Variants in ABHD10 observed in about 807,000 individuals in gnomAD.
ABHD10 encodes the protein abhydrolase domain containing 10, depalmitoylase.
ABHD10 carries 22 observed loss-of-function variants against 33.1 expected under a neutral mutation model. The ratio of observed to expected loss-of-function variants is 0.66; its 90% CI spans 0.47 to 0.95. The LOEUF is 0.95. ABHD10 is among the 40% of genes least tolerant of loss of function. The pLI is 0.00. For synonymous variants in ABHD10, 146 were observed against 133.9 expected (o/e 1.09, Z -0.62); for missense variants, 352 against 379.9 (o/e 0.93, Z 0.61).
intron 2 of ABHD10, among the ~76,000 whole-genome samples, chr3:111,985,958 T>C (rs985632258): frequency 1.3e-5 from 2 of 152,176 alleles, no homozygotes; most frequent in African/African-American, 4.8e-5. Flanking sequence ...AGGATCACTC[T>C]ACTATATAGG....
Position 111,981,905 on chromosome 3 carries a change from G to C in ABHD10, c.264G>C (p.Met88Ile), listed in dbSNP as rs772076973. 17 of 1,607,042 alleles carry C rather than the reference G, an allele frequency of 1.1e-5. No homozygotes were observed. In the East Asian group the frequency reaches 3.8e-4, roughly 36 times the overall value. The change falls in exon 2 of 5, where the codon ATG (methionine) becomes ATC (isoleucine). Residue 88 changes from methionine (M) to isoleucine (I), a missense_variant. Met to Ile is a conservative substitution (Grantham distance 10). Coordinates refer to ENST00000273359, the MANE Select transcript of ABHD10 (RefSeq NM_018394.4). The part of the protein sequence containing the change: ...IIFIPGYLSY[M>I]NGTKALAIEE... Reference sequence around the variant, plus strand: ...TCATCCCTGGCTATCTTTCTTATATGAATGGTACAAAAGCGTTGGCGATTG... The same window carrying C: ...TCATCCCTGGCTATCTTTCTTATATCAATGGTACAAAAGCGTTGGCGATTG...
At chr3:111,991,319 A>C in intron 4 of ABHD10, 58 bp from the exon 5 acceptor site, 1 of 1,416,038 alleles carries the variant, frequency 7.1e-7, no homozygotes. Context: ...AAACTATTGC[A>C]TGTGTTAATG....
intron 4 of ABHD10, among the ~76,000 whole-genome samples, chr3:111,987,890 TAAAGA>T (rs1466567492): frequency 6.6e-6 from 1 of 151,966 alleles, no homozygotes; most frequent in Non-Finnish European, 1.5e-5. Flanking sequence ...ACACAGAAAT[TAAAGA>T]AAACAGAGCA....
rs2072673295 is a variant in ABHD10, at chr3:111,986,901, ATTTTAT to A, written c.439-7_439-2del. 1 of 1,568,882 alleles carries A rather than the reference ATTTTAT, an allele frequency of 6.4e-7. No individual in the cohort carries two copies. The highest frequency in any genetic ancestry group is 8.6e-7 in the Non-Finnish European group (1 of 1,163,872). Reference sequence around the variant, plus strand: ...TCTTAAAGACCTAATGTTTTATTTTATTTTATTTTTAGATTCTTGTTGGATCTAGCC... The same window carrying A: ...TCTTAAAGACCTAATGTTTTATTTTATTTTAGATTCTTGTTGGATCTAGCC... On this transcript the variant is annotated splice_polypyrimidine_tract_variant and splice_region_variant and intron_variant, in intron 3 of 4. Transcript: ENST00000273359.
At chr3:111,988,564 C>A (rs532133280) in intron 4 of ABHD10, among the ~76,000 whole-genome samples, 1 of 151,860 alleles carries the variant, frequency 6.6e-6, no homozygotes, top group Non-Finnish European at 1.5e-5. Context: ...TGGTAAATGA[C>A]AAAACCTGTG....
At chr3:111,980,916 A>T (rs1470218398) in intron 1 of ABHD10, among the ~76,000 whole-genome samples, 2 of 152,126 alleles carry the variant, frequency 1.3e-5, no homozygotes, top group Non-Finnish European at 2.9e-5. Context: ...GGGCGGGTGG[A>T]TGGGAGTCAG....
chr3:111,992,238 T>C lies in ABHD10; in HGVS notation c.*517T>C. 1 of 149,000 alleles carries C rather than the reference T, an allele frequency of 6.7e-6. No individual in the cohort carries two copies. Among genetic ancestry groups the C allele is most frequent in the South Asian group, 2.1e-4 (1 of 4,800 alleles). 9.2% of individuals were successfully genotyped at this position (149,000 alleles called of 1,614,324 possible). ...TATAATGTATAAAGTATATATAATA[T>C]AATATATATGTTATATAAACTGCAC... On this transcript the variant is annotated 3_prime_UTR_variant, in exon 5 of 5. Coordinates refer to ENST00000273359, the MANE Select transcript of ABHD10 (RefSeq NM_018394.4).
intron 4 of ABHD10, among the ~76,000 whole-genome samples, 169 bp downstream of exon 4, chr3:111,987,220 T>G (rs2072679540): frequency 6.6e-6 from 1 of 152,258 alleles, no homozygotes; most frequent in Non-Finnish European, 1.5e-5. Context: ...TTTTCTATCT[T>G]TAACTATTTG....
chr3:111,988,890 A>G (rs1576068092), intron 4 of ABHD10, among the ~76,000 whole-genome samples: 2 of 152,304 alleles, frequency 1.3e-5, no homozygotes, highest in African/African-American at 4.8e-5. Flanking sequence ...GTGCCTGGCC[A>G]TGTACATTTC....
At chr3:111,985,751 T>C (rs1331844237) in intron 2 of ABHD10, among the ~76,000 whole-genome samples, 6 of 151,228 alleles carry the variant, frequency 4.0e-5, no homozygotes. Context: ...GAGTATGCCA[T>C]GTGGAGAGAA....
chr3:111,985,103 G>T (rs1242073180), intron 2 of ABHD10, among the ~76,000 whole-genome samples: 1 of 152,198 alleles, frequency 6.6e-6, no homozygotes, highest in Admixed American at 6.5e-5. Context: ...AAGTTCCTCA[G>T]AGGAGGTGAC....
chr3:111,986,017 A>G (rs1038460646), intron 2 of ABHD10, among the ~76,000 whole-genome samples: 10 of 152,310 alleles, frequency 6.6e-5, no homozygotes, highest in South Asian at 6.2e-4. Flanking sequence ...TTAGGAGACT[A>G]TTGCATTCAG....
intron 2 of ABHD10, among the ~76,000 whole-genome samples, chr3:111,984,707 T>C (rs902342483): frequency 6.6e-6 from 1 of 152,092 alleles, no homozygotes; most frequent in East Asian, 1.9e-4. Context: ...CTGAAGGTAA[T>C]GCTAAAATGT....
At position 111,986,891 on chromosome 3, in the gene ABHD10, G is replaced by GTTTTA. The variant is rs746121382; in HGVS notation, c.439-8_439-4dup. Reference sequence around the variant, plus strand: ...ACCTGTTCTATCTTAAAGACCTAATGTTTTATTTTATTTTATTTTTAGATT... The same window carrying GTTTTA: ...ACCTGTTCTATCTTAAAGACCTAATGTTTTATTTTATTTTATTTTATTTTTAGATT... On this transcript the variant is annotated intron_variant, in intron 3 of 4. Transcript: ENST00000273359. The GTTTTA allele has an allele frequency of 1.5e-5, 23 of 1,560,040 alleles. No individual in the cohort carries two copies. The South Asian group carries it at 2.5e-4, about 17-fold the overall frequency.
intron 2 of ABHD10, among the ~76,000 whole-genome samples, chr3:111,985,814 G>C (rs1186614963): frequency 2.0e-5 from 3 of 151,172 alleles, no homozygotes; most frequent in East Asian, 2.0e-4. Flanking sequence ...AGTTGGGAGG[G>C]AGGGAGGGAG....
At position 111,991,570 on chromosome 3, in the gene ABHD10, C is replaced by T. The variant is rs1289313727; in HGVS notation, c.770C>T (p.Ser257Leu). 3 of 1,614,168 alleles carry T rather than the reference C, an allele frequency of 1.9e-6. No homozygotes were observed. The highest frequency in any genetic ancestry group is 3.3e-5 in the Admixed American group (2 of 60,036). Residue 257 changes from serine (S) to leucine (L), a missense_variant, in exon 5 of 5, where the codon TCA becomes TTA. Ser to Leu is a moderately radical substitution (Grantham distance 145). Transcript: ENST00000273359. ...GATGACATTGTACCTTGGCATACAT[C>T]AATGCAGGTTGCCGATCGAGTACTC... is the stretch of plus-strand genomic sequence containing the variant. Reference protein sequence around the residue: ...MKDDIVPWHTSMQVADRVLST... With the variant: ...MKDDIVPWHTLMQVADRVLST...
chr3:111,985,344 C>CGT (rs775175530), intron 2 of ABHD10, among the ~76,000 whole-genome samples: 6 of 152,046 alleles, frequency 3.9e-5, no homozygotes, highest in Non-Finnish European at 8.8e-5. Flanking sequence ...AGACAGATAA[C>CGT]TGAGCCTAGA....
chr3:111,985,426 A>G (rs1324922756), intron 2 of ABHD10, among the ~76,000 whole-genome samples: 1 of 152,186 alleles, frequency 6.6e-6, no homozygotes, highest in Non-Finnish European at 1.5e-5. Context: ...CTTCCCTTCC[A>G]TCAATTCACT....
chr3:111,981,532 G>A (rs534423329), intron 1 of ABHD10, among the ~76,000 whole-genome samples: 4 of 152,130 alleles, frequency 2.6e-5, no homozygotes, highest in African/African-American at 7.2e-5. Context: ...AATTCCTACC[G>A]CATTGTGTAT....
Sources: allele counts gnomAD v4.1 joint callset (sites outside exome capture counted in the v4.1 genomes callset), GRCh38; gene constraint gnomAD v4.1.1; transcripts MANE v1.5; gene names NCBI Gene and HGNC (gene_info 2026-07-23, HGNC 2026-07-21).